The following MYO18A variants were observed in gnomAD, a reference collection of about 807,000 sequenced individuals.
MYO18A encodes the protein unconventional myosin-XVIIIa.
MYO18A carries 78 observed loss-of-function variants against 235.8 expected under a neutral mutation model. The observed-to-expected ratio is 0.33, with a 90% CI of 0.28 to 0.40. MYO18A has a LOEUF of 0.40. Among genes scored for constraint, MYO18A ranks in the 10% least tolerant of loss-of-function variants. MYO18A has a pLI of 1.00. For synonymous variants in MYO18A, 977 were observed against 1,077.8 expected (o/e 0.91, Z 1.83); for missense variants, 2,215 against 2,699.3 (o/e 0.82, Z 3.98).
chr17:29,167,129 T>C (rs879225315), intron 1 of MYO18A, 108 bp from the exon 2 acceptor site: 1 of 734,324 alleles, frequency 1.4e-6, no homozygotes, highest in Admixed American at 3.1e-5. Context: ...GTGCTAGCTA[T>C]GTGCCAGGCA....
At chr17:29,107,603 TAA>T (rs35996808) in intron 19 of MYO18A, 11,692 of 102,804 alleles carry the variant, frequency 0.11, 858 homozygotes, top group African/African-American at 0.25. Flanking sequence ...CTTATGGTCT[TAA>T]AAAAAAAAAA....
rs772880364 is a variant in MYO18A at position 29,086,582 on chromosome 17, G to A, written c.5713-5C>T. 6.2e-7 allele frequency: 1 copy of A among 1,612,676 alleles called. No individual in the cohort carries two copies. Among genetic ancestry groups the A allele is most frequent in the Non-Finnish European group, 8.5e-7 (1 of 1,179,376 alleles). The stretch of plus-strand genomic sequence containing the variant: ...CAGGCTTTCTAGATCCATCTCCTAG[G>A]AGGAAGGGGGCAGCCCAGTTTGCAG... On this transcript the variant is annotated splice_polypyrimidine_tract_variant and splice_region_variant and intron_variant, in intron 38 of 41. Transcript: ENST00000527372.
intron 2 of MYO18A, among the ~76,000 whole-genome samples, chr17:29,151,676 T>C (rs1010702001): frequency 1.3e-5 from 2 of 152,318 alleles, no homozygotes; most frequent in African/African-American, 4.8e-5. Flanking sequence ...CAATGGTTCC[T>C]TGTTTCTGCA....
At chr17:29,157,371 CT>C (rs1423625368) in intron 2 of MYO18A, among the ~76,000 whole-genome samples, 7 of 152,208 alleles carry the variant, frequency 4.6e-5, no homozygotes, top group Non-Finnish European at 7.3e-5. Context: ...CCCATCACTC[CT>C]GGTTTCCTTC....
intron 2 of MYO18A, among the ~76,000 whole-genome samples, chr17:29,162,153 G>A (rs1689460903): frequency 6.6e-6 from 1 of 152,084 alleles, no homozygotes; most frequent in African/African-American, 2.4e-5. Flanking sequence ...CATTCTTCTA[G>A]GATCACAATC....
At position 29,115,020 on chromosome 17, in the gene MYO18A, C is replaced by T; in HGVS notation, c.2398G>A (p.Gly800Arg). 6.2e-7 allele frequency: 1 copy of T among 1,614,016 alleles called. No individual in the cohort carries two copies. The highest frequency in any genetic ancestry group is 8.5e-7 in the Non-Finnish European group (1 of 1,179,886). ...TPGFQNPEQG[G>R]SARGASFEEL... ...TCAAAGGAGGCTCCGCGGGCTGACC[C>T]ACCCTGCTCAGGGTTCTGGAAGCCC... is the stretch of plus-strand genomic sequence containing the variant. The change falls in exon 14 of 42, where the codon GGG becomes AGG. Residue 800 changes from glycine (G) to arginine (R), a missense_variant. Transcript: ENST00000527372.
At chr17:29,077,187 A>T (rs2066002348) in intron 41 of MYO18A, 1 of 152,170 alleles carries the variant, frequency 6.6e-6, no homozygotes, top group East Asian at 1.9e-4. Flanking sequence ...AGCTTGGGTG[A>T]TCTTTAGCCA....
Position 29,120,788 on chromosome 17 carries a change from G to T in MYO18A, c.1586-30C>A, listed in dbSNP as rs755960682. On this transcript the variant is annotated intron_variant, in intron 6 of 41. Coordinates refer to ENST00000527372, the MANE Select transcript of MYO18A (RefSeq NM_078471.4). This position sits in a 1 kb window ranked among gnomAD's most constrained non-coding sequence, Gnocchi z 4.2. ...AGAATACAGGCCCAAGGGGATATCA[G>T]GAAAGCCAGGGGCAGCTTATCCCCC... The T allele has an allele frequency of 1.9e-6, 3 of 1,601,510 alleles. No homozygotes were observed. Among genetic ancestry groups the T allele is most frequent in the Non-Finnish European group, 2.6e-6 (3 of 1,172,570 alleles).
At chr17:29,169,884 C>T (rs897893793) in intron 1 of MYO18A, among the ~76,000 whole-genome samples, 1 of 152,050 alleles carries the variant, frequency 6.6e-6, no homozygotes, top group Admixed American at 6.5e-5. Context: ...GAAAGGATCT[C>T]CCAGAATTCT....
At chr17:29,165,650 A>C in intron 2 of MYO18A, 1 of 381,546 alleles carries the variant, frequency 2.6e-6, no homozygotes, top group Non-Finnish European at 4.8e-6. Flanking sequence ...CTCAGCTCCC[A>C]GACAAGGTTG....
intron 2 of MYO18A, among the ~76,000 whole-genome samples, chr17:29,143,573 T>C (rs2067788082): frequency 6.6e-6 from 1 of 152,148 alleles, no homozygotes; most frequent in African/African-American, 2.4e-5. Context: ...TATCTACCTA[T>C]GATCATAAGC....
At chr17:29,097,061 T>C (rs981553597) in intron 27 of MYO18A, 146 bp from the exon 28 acceptor site, 3 of 1,378,178 alleles carry the variant, frequency 2.2e-6, no homozygotes, top group African/African-American at 1.4e-5. Flanking sequence ...GCTCTAATGA[T>C]AGCTTGCTCC....
At position 29,098,825 on chromosome 17, in the gene MYO18A, C is replaced by T. The variant is rs985281686; in HGVS notation, c.3780+1G>A. On this transcript the variant is annotated splice_donor_variant, in intron 23 of 41. Transcript: ENST00000527372. LOFTEE classifies it high-confidence loss of function. ...CTTGGCCCTCTCAGGCTGTCACATA[C>T]GTCTTTGTTCCGGATCTGCTCCTCT... is the stretch of plus-strand genomic sequence containing the variant. The T allele has an allele frequency of 1.2e-6, 2 of 1,613,982 alleles. No homozygotes were observed. The highest frequency in any genetic ancestry group is 1.7e-6 in the Non-Finnish European group (2 of 1,179,840).
chr17:29,146,367 G>C (rs1262970445), intron 2 of MYO18A, among the ~76,000 whole-genome samples: 1 of 152,230 alleles, frequency 6.6e-6, no homozygotes, highest in East Asian at 1.9e-4. Context: ...AAACCAAGGA[G>C]GGAGGGATAA....
At position 29,118,359 on chromosome 17, in the gene MYO18A, A is replaced by G. The variant is rs1273076601; in HGVS notation, c.1893+18T>C. Reference sequence around the variant, plus strand: ...CCAAGGCCCAGGGCTGGCAACCCAGACCCCACAGACCCCTCACCTTGGCCA... The same window carrying G: ...CCAAGGCCCAGGGCTGGCAACCCAGGCCCCACAGACCCCTCACCTTGGCCA... On this transcript the variant is annotated intron_variant, in intron 9 of 41. Transcript: ENST00000527372. The surrounding 1 kb of genome is among the most constrained non-coding windows in gnomAD (Gnocchi z 4.2). The G allele has an allele frequency of 6.3e-7, 1 of 1,597,456 alleles. No homozygotes were observed. The highest frequency in any genetic ancestry group is 1.7e-4 in the Middle Eastern group (1 of 6,022).
intron 2 of MYO18A, among the ~76,000 whole-genome samples, chr17:29,139,907 C>T (rs983802283): frequency 1.3e-5 from 2 of 152,142 alleles, no homozygotes. Flanking sequence ...ATACCAGCAA[C>T]AAAGCAGAGA....
intron 2 of MYO18A, among the ~76,000 whole-genome samples, chr17:29,141,036 A>G (rs1270382819): frequency 6.6e-6 from 1 of 152,226 alleles, no homozygotes; most frequent in Non-Finnish European, 1.5e-5. Flanking sequence ...GGGCAGGCCC[A>G]CTTACTGCCC....
At chr17:29,144,627 AAGAAT>A (rs1416829912) in intron 2 of MYO18A, among the ~76,000 whole-genome samples, 1 of 152,238 alleles carries the variant, frequency 6.6e-6, no homozygotes, top group East Asian at 1.9e-4. Context: ...AGGCTGTTAT[AAGAAT>A]AGAAAAGGCA....
Position 29,166,817 on chromosome 17 carries a change from G to T in MYO18A, c.124C>A (p.Arg42=). 6.3e-7 allele frequency: 1 copy of T among 1,599,052 alleles called. No homozygotes were observed. Among genetic ancestry groups the T allele is most frequent in the Non-Finnish European group, 8.5e-7 (1 of 1,173,418 alleles). Residue 42 remains arginine (R), a synonymous_variant, in exon 2 of 42, where the codon CGA becomes AGA. Coordinates refer to ENST00000527372, the MANE Select transcript of MYO18A (RefSeq NM_078471.4). ...ELRSLEEMSL[R]RGFFNLNRSS... is the part of the protein sequence containing the mutation. ...CGGTTCAGGTTGAAGAAGCCACGTC[G>T]CAGGCTCATCTCCTCCAGGCTCCGA... is the stretch of plus-strand genomic sequence containing the variant.
Sources: allele counts gnomAD v4.1 joint callset (sites outside exome capture counted in the v4.1 genomes callset), GRCh38; gene constraint gnomAD v4.1.1; non-coding constraint Gnocchi (gnomAD v3.1); transcripts MANE v1.5; gene names NCBI Gene and HGNC (gene_info 2026-07-23, HGNC 2026-07-21).